MCF2L2: variants seen among roughly 807,000 people sequenced by gnomAD.
The protein encoded by MCF2L2 is MCF.2 cell line derived transforming sequence-like 2, also known as probable guanine nucleotide exchange factor MCF2L2.
In MCF2L2, 102 loss-of-function variants were observed where a neutral mutation model predicts 150.2. The ratio of observed to expected loss-of-function variants is 0.68; its 90% confidence interval spans 0.58 to 0.80. The LOEUF (loss-of-function observed/expected upper bound fraction) is 0.80, where lower values mean the gene tolerates loss of function less well. Ranked by LOEUF, MCF2L2 falls within the 30% of genes least tolerant of loss-of-function variation. MCF2L2 has a pLI of 0.00. For synonymous variants in MCF2L2, 465 were observed against 491.3 expected (o/e 0.95, Z 0.71); for missense variants, 1,256 against 1,372.8 (o/e 0.91, Z 1.34).
intron 15 of MCF2L2, among the ~76,000 whole-genome samples, chr3:183,262,563 C>A (rs1725712177): frequency 6.6e-6 from 1 of 152,100 alleles, no homozygotes; most frequent in South Asian, 2.1e-4. Flanking sequence ...TCCCCCTAGT[C>A]CCGGCCCGAT....
Position 183,276,927 on chromosome 3 carries a change from T to C in MCF2L2, c.1807A>G (p.Arg603Gly). The C allele has an allele frequency of 1.2e-6, 2 of 1,610,294 alleles. No homozygotes were observed. The highest frequency in any genetic ancestry group is 1.7e-6 in the Non-Finnish European group (2 of 1,178,074). ...TGCTGCTCCAGCTCAGGGTTCCCCCTTTCATGATGGCTTTCAAAGATTTCT... is the reference window on the plus strand; with the variant it reads ...TGCTGCTCCAGCTCAGGGTTCCCCCCTTCATGATGGCTTTCAAAGATTTCT... ...SEEIFESHHE[R>G]GNPELEQQAR... The change falls in exon 15 of 30, where the codon AGG becomes GGG. Residue 603 changes from arginine to glycine, a missense_variant. Coordinates refer to ENST00000328913, the MANE Select transcript of MCF2L2 (RefSeq NM_015078.4).
Position 183,181,913 on chromosome 3 carries a change from G to A in MCF2L2, c.3017-1754C>T, listed in dbSNP as rs1721536502. ...AAACCTGACAAGCTCTAGCCCCTCC[G>A]CAGGGTAAGTGGTACCTCCAGGTAA... On this transcript the variant is annotated intron_variant, in intron 27 of 29. Transcript: ENST00000328913. The surrounding 1 kb of genome is among the most constrained non-coding windows in gnomAD (Gnocchi z 4.3). 6.6e-6 allele frequency among the ~76,000 whole-genome samples: 1 copy of A among 152,168 alleles called. No individual in the cohort carries two copies. The highest frequency in any genetic ancestry group is 1.5e-5 in the Non-Finnish European group (1 of 68,018).
intron 2 of MCF2L2, among the ~76,000 whole-genome samples, chr3:183,385,138 T>G (rs1713758050): frequency 6.6e-6 from 1 of 152,202 alleles, no homozygotes; most frequent in Non-Finnish European, 1.5e-5. Flanking sequence ...ATCGAGTACA[T>G]GTGGAAATAT....
intron 20 of MCF2L2, among the ~76,000 whole-genome samples, chr3:183,222,517 T>C (rs890606756): frequency 6.6e-6 from 1 of 151,676 alleles, no homozygotes; most frequent in African/African-American, 2.4e-5. Context: ...GCCATTGCAC[T>C]CCAGCCTAGG....
intron 5 of MCF2L2, among the ~76,000 whole-genome samples, chr3:183,331,533 GA>G (rs1340671111): frequency 1.3e-5 from 2 of 152,164 alleles, no homozygotes; most frequent in Non-Finnish European, 2.9e-5. Context: ...TTCTTTCAAA[GA>G]AATACATGGT....
rs1382418653 is a variant in MCF2L2 at position 183,318,048 on chromosome 3, A to C, written c.753+20T>G. 4 of 1,611,158 alleles carry C rather than the reference A, an allele frequency of 2.5e-6. No homozygotes were observed. Among genetic ancestry groups the C allele is most frequent in the Middle Eastern group, 1.6e-4 (1 of 6,084 alleles). Reference sequence around the variant, plus strand: ...CTGCTGGCACAGACACTGGCCTCTGAGAGGTCACTGACCGCTCACCTGCAG... The same window carrying C: ...CTGCTGGCACAGACACTGGCCTCTGCGAGGTCACTGACCGCTCACCTGCAG... On this transcript the variant is annotated intron_variant, in intron 7 of 29. Transcript: ENST00000328913.
intron 14 of MCF2L2, among the ~76,000 whole-genome samples, chr3:183,282,646 T>C (rs189098725): frequency 4.1e-5 from 6 of 146,592 alleles, no homozygotes; most frequent in African/African-American, 1.6e-4. Flanking sequence ...CCGTACATCT[T>C]TGAATCTTCT....
chr3:183,311,808 A>G (rs937665400), intron 7 of MCF2L2, 36 bp from the exon 8 acceptor site: 81 of 1,591,956 alleles, frequency 5.1e-5, no homozygotes, highest in Non-Finnish European at 6.8e-5. Context: ...AGAACGAATT[A>G]GAAAAAACAA....
At chr3:183,322,761 T>C (rs761430277) in intron 6 of MCF2L2, among the ~76,000 whole-genome samples, 14 of 152,112 alleles carry the variant, frequency 9.2e-5, no homozygotes, top group Non-Finnish European at 1.8e-4. Flanking sequence ...TACCCAATAG[T>C]TCTACAATCC....
intron 2 of MCF2L2, among the ~76,000 whole-genome samples, chr3:183,389,221 T>C (rs1378345033): frequency 1.3e-5 from 2 of 152,222 alleles, no homozygotes; most frequent in African/African-American, 4.8e-5. Context: ...ACAGCCTCTC[T>C]TCATTCCCAA....
chr3:183,296,699 C>T (rs1413315744), intron 12 of MCF2L2: 12 of 302,712 alleles, frequency 4.0e-5, no homozygotes, highest in East Asian at 1.2e-4. Flanking sequence ...TATTTTTAAT[C>T]ATCATGGTAT....
At chr3:183,410,464 G>A (rs1715266208) in intron 1 of MCF2L2, among the ~76,000 whole-genome samples, 1 of 152,200 alleles carries the variant, frequency 6.6e-6, no homozygotes, top group Non-Finnish European at 1.5e-5. Flanking sequence ...TAAGAGCTCA[G>A]GCCCTCAGAT....
chr3:183,240,023 C>T (rs1185122969), intron 15 of MCF2L2, among the ~76,000 whole-genome samples: 1 of 152,214 alleles, frequency 6.6e-6, no homozygotes, highest in Non-Finnish European at 1.5e-5. Context: ...CCCCCTCCAA[C>T]ATCCCTTATA....
chr3:183,427,517 G>A lies in MCF2L2; in HGVS notation c.76+385C>T, dbSNP rs377621789. 3.3e-5 allele frequency among the ~76,000 whole-genome samples: 5 copies of A among 152,268 alleles called. No homozygotes were observed. The East Asian group carries it at 5.8e-4, about 18-fold the overall frequency. On this transcript the variant is annotated intron_variant, in intron 1 of 29. Coordinates refer to ENST00000328913, the MANE Select transcript of MCF2L2 (RefSeq NM_015078.4). ...GCGTGGCAATCATTTCTGCTGAAAA[G>A]CACTGGCATTCGTTCCTCTTATGCC...
intron 22 of MCF2L2, among the ~76,000 whole-genome samples, chr3:183,214,838 A>G (rs2108654761): frequency 6.6e-6 from 1 of 151,808 alleles, no homozygotes; most frequent in East Asian, 1.9e-4. Context: ...TACAAAAAAA[A>G]AAAAAAATTA....
chr3:183,273,090 T>C, intron 15 of MCF2L2: 1 of 1,399,530 alleles, frequency 7.1e-7, no homozygotes, highest in Non-Finnish European at 9.5e-7. Flanking sequence ...TTCCAACCTT[T>C]TAAAAAAGAA....
chr3:183,196,433 G>C (rs9825767), intron 25 of MCF2L2, among the ~76,000 whole-genome samples: 3,666 of 152,218 alleles, frequency 0.024, 133 homozygotes, highest in African/African-American at 0.083. Context: ...TAAAGTGCTC[G>C]GCAGGCGTAA....
At chr3:183,216,570 ATATATATATATTTTTT>A in intron 21 of MCF2L2, among the ~76,000 whole-genome samples, 1 of 26,978 alleles carries the variant, frequency 3.7e-5, no homozygotes, top group African/African-American at 3.1e-4. Flanking sequence ...ATATATATAT[ATATATATATATTTTTT>A]TTTTTTTTTT....
rs1289642189 is a variant in MCF2L2, at chr3:183,357,341, T to G, written c.276-15711A>C. Among the ~76,000 whole-genome samples, 5 of 152,168 alleles carry G rather than the reference T, an allele frequency of 3.3e-5. No individual in the cohort carries two copies. In the East Asian group the frequency reaches 9.6e-4, roughly 29 times the overall value. On this transcript the variant is annotated intron_variant, in intron 3 of 29. Coordinates refer to ENST00000328913, the MANE Select transcript of MCF2L2 (RefSeq NM_015078.4). ...TACTTCTTGAGCTCCTGCTACTAGCTTTTGCAGCGATCTAAGGAGTGCTAA... is the reference window on the plus strand; with the variant it reads ...TACTTCTTGAGCTCCTGCTACTAGCGTTTGCAGCGATCTAAGGAGTGCTAA...
Sources: allele counts gnomAD v4.1 joint callset (sites outside exome capture counted in the v4.1 genomes callset), GRCh38; gene constraint gnomAD v4.1.1; non-coding constraint Gnocchi (gnomAD v3.1); transcripts MANE v1.5; gene names NCBI Gene and HGNC (gene_info 2026-07-23, HGNC 2026-07-21).